The following POLR3E variants were observed in gnomAD, a reference collection of about 807,000 sequenced individuals.
POLR3E encodes the protein RNA polymerase III subunit E.
Under a neutral mutation model 96.6 loss-of-function variants are expected in POLR3E, and 41 were observed. That is an observed-to-expected ratio of 0.42 (90% CI 0.33 to 0.55). POLR3E has a LOEUF of 0.55. Ranked by LOEUF, POLR3E falls within the 20% of genes least tolerant of loss-of-function variation. The pLI is 0.06. For missense variants in POLR3E, 849 were observed against 952.1 expected (o/e 0.89, Z 1.43); for synonymous variants, 396 against 383.6 (o/e 1.03, Z -0.38).
At position 22,309,051 on chromosome 16, in the gene POLR3E, G is replaced by A. The variant is rs776186132; in HGVS notation, c.281+11G>A. On this transcript the variant is annotated intron_variant, in intron 5 of 20. Coordinates refer to ENST00000299853, the MANE Select transcript of POLR3E (RefSeq NM_018119.4). ...CAGCACGTATTCCTCGTGAGTTTCCGGCCCCAAGCCTGTCCGGTTTCCCTG... is the reference window on the plus strand; with the variant it reads ...CAGCACGTATTCCTCGTGAGTTTCCAGCCCCAAGCCTGTCCGGTTTCCCTG... The A allele has an allele frequency of 1.8e-5, 29 of 1,591,128 alleles. No homozygotes were observed. The highest frequency in any genetic ancestry group is 2.3e-5 in the Non-Finnish European group (27 of 1,160,172).
intron 6 of POLR3E, among the ~76,000 whole-genome samples, chr16:22,312,893 A>C (rs955634068): frequency 4.6e-5 from 7 of 151,932 alleles, no homozygotes; most frequent in South Asian, 2.1e-4. Context: ...AAAAAAAAAA[A>C]AAAACAGTAA....
rs1271807232 is a variant in POLR3E, at chr16:22,325,946, C to CAGGAGGCGG, written c.1541_1549dup (p.Ala514_Glu516dup). 1 of 1,592,538 alleles carries CAGGAGGCGG rather than the reference C, an allele frequency of 6.3e-7. No individual in the cohort carries two copies. Among genetic ancestry groups the CAGGAGGCGG allele is most frequent in the East Asian group, 2.3e-5 (1 of 43,880 alleles). Reference sequence around the variant, plus strand: ...CGAGGAGGGCGAGGAGGACGAGGAGCAGGAGGCGGAGGAGGAGCCCATGGA... The same window carrying CAGGAGGCGG: ...CGAGGAGGGCGAGGAGGACGAGGAGCAGGAGGCGGAGGAGGCGGAGGAGGAGCCCATGGA... On this transcript the variant is annotated inframe_insertion, in exon 18 of 21. Coordinates refer to ENST00000299853, the MANE Select transcript of POLR3E (RefSeq NM_018119.4).
At chr16:22,312,922 C>T (rs1435910846) in intron 6 of POLR3E, among the ~76,000 whole-genome samples, 1 of 148,362 alleles carries the variant, frequency 6.7e-6, no homozygotes, top group Admixed American at 6.8e-5. Flanking sequence ...AGTATTTAGT[C>T]TCAAAAGCAA....
At chr16:22,332,812 G>A (rs1212413420) in intron 20 of POLR3E, among the ~76,000 whole-genome samples, 1 of 151,998 alleles carries the variant, frequency 6.6e-6, no homozygotes, top group African/African-American at 2.4e-5. Flanking sequence ...TGAAGTGACT[G>A]TAGTACAAAT....
At chr16:22,302,685 G>A in intron 1 of POLR3E, 1 of 498,796 alleles carries the variant, frequency 2.0e-6, no homozygotes, top group Non-Finnish European at 3.6e-6. Flanking sequence ...CGCAGGTGCA[G>A]CCCACACTTG....
chr16:22,301,849 G>T (rs1302207568), intron 1 of POLR3E, among the ~76,000 whole-genome samples: 1 of 151,664 alleles, frequency 6.6e-6, no homozygotes, highest in East Asian at 1.9e-4. Context: ...GCTTGAACCC[G>T]GGAGGCAGAG....
intron 3 of POLR3E, among the ~76,000 whole-genome samples, chr16:22,307,718 G>A (rs752614500): frequency 2.0e-5 from 3 of 152,194 alleles, no homozygotes; most frequent in South Asian, 2.1e-4. Flanking sequence ...TGAGCAGCAC[G>A]TGCCGGTGTT....
chr16:22,299,410 CTT>C (rs34579812), intron 1 of POLR3E, among the ~76,000 whole-genome samples: 100 of 117,318 alleles, frequency 8.5e-4, no homozygotes, highest in African/African-American at 3.2e-3. Flanking sequence ...ATATGATTTA[CTT>C]TTTTTTTTTT....
At position 22,313,488 on chromosome 16, in the gene POLR3E, A is replaced by C; in HGVS notation, c.365-132A>C. ...CCTGGCCTGGTGGTCCCAAGACTCTAGGATTGGGGGCTGCAGCGGGAATGG... is the reference window on the plus strand; with the variant it reads ...CCTGGCCTGGTGGTCCCAAGACTCTCGGATTGGGGGCTGCAGCGGGAATGG... On this transcript the variant is annotated intron_variant, in intron 6 of 20. Transcript: ENST00000299853. This position sits in a 1 kb window ranked among gnomAD's most constrained non-coding sequence, Gnocchi z 4.1. 1 of 623,150 alleles carries C rather than the reference A, an allele frequency of 1.6e-6. No homozygotes were observed. The allele number at this position is 623,150 out of a possible 1,614,324, so 38.6% of individuals were successfully genotyped here. A position where few individuals can be genotyped will look rare whatever the true frequency, so the allele number is the denominator to read the frequency against.
rs1319050339 is a variant in POLR3E at position 22,325,270 on chromosome 16, T to C, written c.1348+4T>C. 4 of 1,612,264 alleles carry C rather than the reference T, an allele frequency of 2.5e-6. No individual in the cohort carries two copies. Among genetic ancestry groups the C allele is most frequent in the African/African-American group, 1.3e-5 (1 of 74,974 alleles). On this transcript the variant is annotated splice_donor_region_variant and intron_variant, in intron 17 of 20. Transcript: ENST00000299853. ...AAGAAGCCGGATGCACAATCAGGTG[T>C]GTGAGGGGCTTTGGGCTGGGAGGCC... is the stretch of plus-strand genomic sequence containing the variant.
chr16:22,317,073 C>T, intron 11 of POLR3E, 34 bp downstream of exon 11: 1 of 1,613,780 alleles, frequency 6.2e-7, no homozygotes, highest in Middle Eastern at 1.7e-4. Context: ...CTCTCCCTTT[C>T]CGGGCTGGCT....
At chr16:22,308,429 G>A (rs1446533505) in intron 4 of POLR3E, 6 of 574,010 alleles carry the variant, frequency 1.0e-5, no homozygotes, top group Non-Finnish European at 1.9e-5. Flanking sequence ...TGAGGCTGAT[G>A]AATGAGAGAA....
chr16:22,311,502 T>G (rs374378419), intron 6 of POLR3E, among the ~76,000 whole-genome samples: 1 of 137,534 alleles, frequency 7.3e-6, no homozygotes. Flanking sequence ...TGTTTTGGGG[T>G]TTTTTTTTTG....
At chr16:22,324,809 TGGGGGTCCGCA>T in intron 16 of POLR3E, 149 bp downstream of exon 16, 1 of 838,528 alleles carries the variant, frequency 1.2e-6, no homozygotes, top group Non-Finnish European at 1.9e-6. Context: ...GAAGGGCAGG[TGGGGGTCCGCA>T]GGCCCCACGC....
intron 1 of POLR3E, chr16:22,302,491 C>G (rs551117043): frequency 6.2e-6 from 1 of 161,416 alleles, no homozygotes; most frequent in Non-Finnish European, 1.4e-5. Flanking sequence ...AATCAAATAT[C>G]AGAGAGCTTT....
chr16:22,329,092 A>T, intron 19 of POLR3E: 1 of 143,380 alleles, frequency 7.0e-6, no homozygotes, highest in Non-Finnish European at 1.5e-5. Flanking sequence ...TCTCAGAAAG[A>T]AAAAAAAAAA....
intron 13 of POLR3E, among the ~76,000 whole-genome samples, chr16:22,321,200 G>C (rs560350965): frequency 6.6e-6 from 1 of 152,316 alleles, no homozygotes; most frequent in South Asian, 2.1e-4. Context: ...TACCAGTGCA[G>C]ACCCTTGGTA....
Position 22,324,590 on chromosome 16 carries a change from G to A in POLR3E, c.1216G>A (p.Gly406Arg). 6.2e-7 allele frequency: 1 copy of A among 1,613,610 alleles called. No homozygotes were observed. The highest frequency in any genetic ancestry group is 1.3e-5 in the African/African-American group (1 of 74,950). Residue 406 changes from glycine (G) to arginine (R), a missense_variant, in exon 16 of 21, where the codon GGG becomes AGG. Gly to Arg is a moderately radical substitution (Grantham distance 125). Transcript: ENST00000299853. ...KGWEFILPYD[G>R]EFIKKHPDVV... is the part of the protein sequence containing the mutation. ...CTGGGAGTTCATTCTGCCTTATGAT[G>A]GGGAGTTCATCAAGAAGCACCCGGA...
Position 22,324,732 on chromosome 16 carries a change from G to C in POLR3E, c.1286+72G>C, listed in dbSNP as rs191151142. The C allele has an allele frequency of 1.4e-5, 21 of 1,524,826 alleles. No individual in the cohort carries two copies. In the African/African-American group the frequency reaches 2.7e-4, roughly 20 times the overall value. The allele number at this position is 1,524,826 out of a possible 1,614,324, so 94.5% of individuals were successfully genotyped here. A position where few individuals can be genotyped will look rare whatever the true frequency, so the allele number is the denominator to read the frequency against. On this transcript the variant is annotated intron_variant, in intron 16 of 20. Coordinates refer to ENST00000299853, the MANE Select transcript of POLR3E (RefSeq NM_018119.4). ...CCTGCATCCTGGGGAGCACTGTCAG[G>C]GTGGATCCGAGCAATCTCTAGAAAC...
Sources: gnomAD v4.1 joint callset for allele counts (sites outside exome capture counted in the v4.1 genomes callset) on GRCh38, gnomAD v4.1.1 for gene constraint, Gnocchi (gnomAD v3.1) non-coding constraint, MANE v1.5 for transcripts, NCBI Gene and HGNC (gene_info 2026-07-23, HGNC 2026-07-21) for gene names.